MCUB: variants seen among roughly 807,000 people sequenced by gnomAD.
MCUB encodes calcium uniporter regulatory subunit MCUb, mitochondrial.
A neutral mutation model predicts 41.4 loss-of-function variants in MCUB; 46 were observed. That is an observed-to-expected ratio of 1.11 (90% CI 0.88 to 1.42). The LOEUF (loss-of-function observed/expected upper bound fraction) is 1.42. Among genes scored for constraint, MCUB ranks in the 40% most tolerant of loss-of-function variants. The pLI, the probability that MCUB is intolerant of heterozygous loss-of-function variation, is 0.00. For synonymous variants in MCUB, 148 were observed against 148.2 expected (o/e 1.00, Z 0.01); for missense variants, 403 against 404.9 (o/e 1.00, Z 0.04).
chr4:109,673,797 G>A (rs539247184), intron 4 of MCUB: 24 of 645,854 alleles, frequency 3.7e-5, no homozygotes, highest in African/African-American at 1.5e-4. Flanking sequence ...GCCGGTTGGC[G>A]GGTGAGAGGT....
intron 1 of MCUB, among the ~76,000 whole-genome samples, chr4:109,653,866 C>T (rs889646791): frequency 3.9e-5 from 6 of 152,190 alleles, no homozygotes; most frequent in African/African-American, 1.2e-4. Context: ...TGAGCCATTG[C>T]GCCCAGCCTA....
At chr4:109,600,739 GGCCTCCA>G (rs1168657911) in intron 1 of MCUB, among the ~76,000 whole-genome samples, 3 of 152,076 alleles carry the variant, frequency 2.0e-5, no homozygotes, top group Admixed American at 2.0e-4. Context: ...AGAATTGAGA[GGCCTCCA>G]GCTCTCTATG....
At chr4:109,666,856 A>G (rs1446728979) in intron 4 of MCUB, among the ~76,000 whole-genome samples, 1 of 151,888 alleles carries the variant, frequency 6.6e-6, no homozygotes, top group Non-Finnish European at 1.5e-5. Flanking sequence ...TTATCATGTG[A>G]TTTTTCTTCC....
In MCUB at chr4:109,660,312, A is replaced by G. The variant is rs756433544; in HGVS notation, c.293A>G (p.Gln98Arg). The change falls in exon 3 of 8, where the codon CAG becomes CGG. Residue 98 changes from glutamine to arginine, a missense_variant. Coordinates refer to ENST00000394650, the MANE Select transcript of MCUB (RefSeq NM_017918.5). ...TTGTCAACAGTTGGTTCATTCCTTCAGGACCTACAAAATGAAGATAAGGGT... is the reference window on the plus strand; with the variant it reads ...TTGTCAACAGTTGGTTCATTCCTTCGGGACCTACAAAATGAAGATAAGGGT... The part of the protein sequence containing the change: ...PMLSTVGSFL[Q>R]DLQNEDKGIK... 1 of 1,608,282 alleles carries G rather than the reference A, an allele frequency of 6.2e-7. No individual in the cohort carries two copies. The highest frequency in any genetic ancestry group is 1.1e-5 in the South Asian group (1 of 90,866).
At chr4:109,674,239 C>T in intron 4 of MCUB, 1 of 703,578 alleles carries the variant, frequency 1.4e-6, no homozygotes, top group Non-Finnish European at 2.6e-6. Flanking sequence ...GGTAACATGG[C>T]ATTTTGAATA....
chr4:109,566,685 CAATTAGACG>C (rs1726785819), intron 1 of MCUB, among the ~76,000 whole-genome samples: 1 of 151,982 alleles, frequency 6.6e-6, no homozygotes, highest in African/African-American at 2.4e-5. Context: ...CTTTTAAGAC[CAATTAGACG>C]AATCTCCTTG....
chr4:109,582,225 T>C (rs1727195498), intron 1 of MCUB, among the ~76,000 whole-genome samples: 1 of 151,582 alleles, frequency 6.6e-6, no homozygotes, highest in African/African-American at 2.4e-5. Flanking sequence ...ATGTCCTTTG[T>C]AGGGACATGG....
At chr4:109,655,667 G>A (rs7699969) in intron 1 of MCUB, among the ~76,000 whole-genome samples, 77,175 of 151,952 alleles carry the variant, frequency 0.51, 20,138 homozygotes, top group South Asian at 0.6. Context: ...AGGCAGTAAC[G>A]CTTGACCAGG....
At chr4:109,686,298 C>T (rs1729834771) in intron 7 of MCUB, among the ~76,000 whole-genome samples, 1 of 152,098 alleles carries the variant, frequency 6.6e-6, no homozygotes, top group Non-Finnish European at 1.5e-5. Context: ...GCCACCACAC[C>T]TGGTTACTTT....
chr4:109,686,977 G>A (rs944386545), intron 7 of MCUB, among the ~76,000 whole-genome samples: 1 of 151,444 alleles, frequency 6.6e-6, no homozygotes, highest in Non-Finnish European at 1.5e-5. Flanking sequence ...TTTTTTTTAA[G>A]AATATTAAGT....
At chr4:109,623,721 G>T (rs1348590501) in intron 1 of MCUB, among the ~76,000 whole-genome samples, 1 of 152,078 alleles carries the variant, frequency 6.6e-6, no homozygotes, top group Non-Finnish European at 1.5e-5. Flanking sequence ...GCAAGCATTC[G>T]CTTCTTATTT....
intron 1 of MCUB, among the ~76,000 whole-genome samples, chr4:109,572,669 G>A (rs2126124841): frequency 6.9e-6 from 1 of 145,568 alleles, no homozygotes. Flanking sequence ...ATATAATGAA[G>A]TCATGTTATT....
intron 1 of MCUB, among the ~76,000 whole-genome samples, chr4:109,657,079 C>T (rs538693819): frequency 6.6e-6 from 1 of 152,142 alleles, no homozygotes; most frequent in South Asian, 2.1e-4. Flanking sequence ...ATTAGCCAGG[C>T]ATGGTGGCAG....
intron 1 of MCUB, among the ~76,000 whole-genome samples, chr4:109,643,959 TA>T (rs1233078617): frequency 6.6e-6 from 1 of 152,022 alleles, no homozygotes; most frequent in Non-Finnish European, 1.5e-5. Flanking sequence ...TTAAAACGAG[TA>T]AAAAAATGTT....
intron 1 of MCUB, among the ~76,000 whole-genome samples, chr4:109,575,368 A>G (rs1254745692): frequency 1.3e-5 from 2 of 152,212 alleles, no homozygotes; most frequent in Non-Finnish European, 2.9e-5. Flanking sequence ...GTAAAAGGTC[A>G]TTGGGGGTTA....
At chr4:109,613,350 T>A (rs551768419) in intron 1 of MCUB, among the ~76,000 whole-genome samples, 19 of 152,340 alleles carry the variant, frequency 1.2e-4, no homozygotes, top group African/African-American at 4.6e-4. Flanking sequence ...CCAGGTATGC[T>A]GAGGTCTCTC....
chr4:109,624,336 A>G (rs1221865314), intron 1 of MCUB, among the ~76,000 whole-genome samples: 1 of 152,236 alleles, frequency 6.6e-6, no homozygotes, highest in Non-Finnish European at 1.5e-5. Context: ...TGTTGAAGTG[A>G]ATGAATCTGG....
intron 7 of MCUB, among the ~76,000 whole-genome samples, chr4:109,686,938 T>G (rs185023494): frequency 1.3e-4 from 20 of 151,422 alleles, no homozygotes; most frequent in Non-Finnish European, 2.8e-4. Flanking sequence ...AAAGTGGAGA[T>G]AAAAAGATAA....
rs115139615 is a variant in MCUB at position 109,655,731 on chromosome 4, C to T, written c.100-3280C>T. ...TACGCAGAAATCTAGCATGTTGCCA[C>T]GAAGCCTGGGGCAGCAGGGGGTGTG... On this transcript the variant is annotated intron_variant, in intron 1 of 7. Transcript: ENST00000394650. Among the ~76,000 whole-genome samples, 141 of 152,088 alleles carry T rather than the reference C, an allele frequency of 9.3e-4. 1 individual carries two copies. Among genetic ancestry groups the T allele is most frequent in the African/African-American group, 3.1e-3 (129 of 41,474 alleles).
Sources: allele counts gnomAD v4.1 joint callset (sites outside exome capture counted in the v4.1 genomes callset), GRCh38; gene constraint gnomAD v4.1.1; transcripts MANE v1.5; gene names NCBI Gene and HGNC (gene_info 2026-07-23, HGNC 2026-07-21).